FBN2: variants seen among roughly 807,000 people sequenced by gnomAD.
FBN2 encodes the protein fibrillin-2.
FBN2 carries 105 observed loss-of-function variants against 355.6 expected under a neutral mutation model. The ratio of observed to expected loss-of-function variants is 0.30; its 90% confidence interval spans 0.25 to 0.35. The LOEUF is 0.35. FBN2 is among the 10% of genes least tolerant of loss of function. The probability of loss-of-function intolerance (pLI) is 1.00; values close to 1 mark genes in which losing one functional copy is unlikely to be tolerated. For synonymous variants in FBN2, 1,350 were observed against 1,301.2 expected (o/e 1.04, Z -0.81); for missense variants, 3,280 against 3,758.7 (o/e 0.87, Z 3.33).
chr5:128,289,807 T>C (rs1749270210), intron 51 of FBN2, 75 bp downstream of exon 51: 2 of 870,854 alleles, frequency 2.3e-6, no homozygotes, highest in African/African-American at 1.7e-5. Flanking sequence ...AAAGTTAGCA[T>C]GAGTTATAAA....
intron 5 of FBN2, among the ~76,000 whole-genome samples, chr5:128,509,495 C>CTA (rs1351370346): frequency 6.6e-6 from 1 of 152,018 alleles, no homozygotes; most frequent in Non-Finnish European, 1.5e-5. Flanking sequence ...TAAGGAATAC[C>CTA]TTATAATAAC....
chr5:128,427,954 C>T (rs970973611), intron 7 of FBN2, among the ~76,000 whole-genome samples: 3 of 152,186 alleles, frequency 2.0e-5, no homozygotes, highest in Non-Finnish European at 4.4e-5. Context: ...ATGTTCTCCC[C>T]ACAGATGTTC....
chr5:128,294,428 G>T (rs1015147719), intron 48 of FBN2, among the ~76,000 whole-genome samples: 1 of 152,054 alleles, frequency 6.6e-6, no homozygotes, highest in South Asian at 2.1e-4. Context: ...CTTCCACAAC[G>T]GTTGAACTAG....
At chr5:128,536,057 C>T (rs6860901) in intron 2 of FBN2, among the ~76,000 whole-genome samples, 65,899 of 152,014 alleles carry the variant, frequency 0.43, 18,019 homozygotes, top group African/African-American at 0.79. Context: ...CATGTGGTCT[C>T]ATCTGGATTT....
rs1309744480 is a variant in FBN2 at position 128,449,837 on chromosome 5, GA to G, written c.827-3232del. Among the ~76,000 whole-genome samples the G allele has an allele frequency of 3.3e-5, 5 of 152,004 alleles. No homozygotes were observed. In the East Asian group the frequency reaches 7.7e-4, roughly 23 times the overall value. On this transcript the variant is annotated intron_variant, in intron 6 of 64. Transcript: ENST00000262464. ...TTGACATCTTAAAAAGTAAAGAGAT[GA>G]AAAAGATATATTAAGAATTCAATTA...
chr5:128,530,640 T>C lies in FBN2; in HGVS notation c.391A>G (p.Thr131Ala). ...DGFCSRPNMC[T>A]CSSGQISSTC... is the part of the protein sequence containing the mutation. ...GATGATATTTGCCCACTGGAACAAGTACACATGTTAGGACGGGAACAAAAT... is the reference window on the plus strand; with the variant it reads ...GATGATATTTGCCCACTGGAACAAGCACACATGTTAGGACGGGAACAAAAT... Residue 131 changes from threonine to alanine, a missense_variant, in exon 3 of 65, where the codon ACT (threonine) becomes GCT (alanine). Thr to Ala is a moderately conservative substitution (Grantham distance 58, BLOSUM62 0). Transcript: ENST00000262464. The C allele has an allele frequency of 1.2e-6, 2 of 1,613,408 alleles. No homozygotes were observed. Among genetic ancestry groups the C allele is most frequent in the Non-Finnish European group, 1.7e-6 (2 of 1,179,462 alleles).
chr5:128,530,459 C>T, intron 3 of FBN2, 136 bp downstream of exon 3: 1 of 691,474 alleles, frequency 1.4e-6, no homozygotes, highest in Non-Finnish European at 2.6e-6. Context: ...GGGGTATTAA[C>T]AGTATCTCAT....
At chr5:128,293,987 C>T (rs1749417307) in intron 48 of FBN2, among the ~76,000 whole-genome samples, 1 of 151,102 alleles carries the variant, frequency 6.6e-6, no homozygotes, top group Non-Finnish European at 1.5e-5. Flanking sequence ...TCCCTCCCTC[C>T]TCCCCCGACC....
intron 36 of FBN2, among the ~76,000 whole-genome samples, chr5:128,316,721 T>C (rs1304362902): frequency 1.3e-5 from 2 of 152,234 alleles, no homozygotes; most frequent in African/African-American, 2.4e-5. Context: ...GTGGCATTCA[T>C]ATAATTGTTT....
At chr5:128,378,108 C>A (rs1581251354) in intron 12 of FBN2, among the ~76,000 whole-genome samples, 1 of 139,750 alleles carries the variant, frequency 7.2e-6, no homozygotes, top group East Asian at 2.1e-4. Flanking sequence ...ATCCAGTAAA[C>A]CTAAGAAAGG....
intron 25 of FBN2, among the ~76,000 whole-genome samples, chr5:128,340,517 G>A (rs1227956210): frequency 6.6e-6 from 1 of 152,044 alleles, no homozygotes; most frequent in Admixed American, 6.5e-5. Flanking sequence ...CAGTATCTAG[G>A]ACTGGTGTTA....
intron 34 of FBN2, among the ~76,000 whole-genome samples, chr5:128,320,884 T>C (rs538224220): frequency 9.1e-4 from 139 of 152,334 alleles, no homozygotes; most frequent in African/African-American, 3.2e-3. Flanking sequence ...TTTTAGACAG[T>C]ATTAATGAAT....
At chr5:128,324,481 T>G (rs1484985636) in intron 34 of FBN2, among the ~76,000 whole-genome samples, 1 of 152,226 alleles carries the variant, frequency 6.6e-6, no homozygotes, top group Non-Finnish European at 1.5e-5. Context: ...TTCTGGCATG[T>G]TGTGACTTTG....
intron 32 of FBN2, among the ~76,000 whole-genome samples, chr5:128,331,293 G>C (rs144949221): frequency 1.3e-5 from 2 of 152,156 alleles, no homozygotes. Flanking sequence ...TTTTAGTTAA[G>C]GTCAGACCTG....
At chr5:128,525,812 A>C (rs952885459) in intron 4 of FBN2, among the ~76,000 whole-genome samples, 7 of 152,196 alleles carry the variant, frequency 4.6e-5, no homozygotes, top group Non-Finnish European at 7.4e-5. Context: ...AAGTAGTTGA[A>C]AAATCAAAGA....
At chr5:128,492,085 T>C (rs1428634826) in intron 5 of FBN2, among the ~76,000 whole-genome samples, 1 of 152,192 alleles carries the variant, frequency 6.6e-6, no homozygotes, top group African/African-American at 2.4e-5. Context: ...TTGTCAAAGT[T>C]AGAAAGGCAT....
At position 128,316,304 on chromosome 5, in the gene FBN2, A is replaced by T. The variant is rs371321641; in HGVS notation, c.4717+1845T>A. Reference sequence around the variant, plus strand: ...GTATCCATTGGACATAATGTTGAACATTGACAAAAATAACAGCTAGGATGA... The same window carrying T: ...GTATCCATTGGACATAATGTTGAACTTTGACAAAAATAACAGCTAGGATGA... On this transcript the variant is annotated intron_variant, in intron 36 of 64. Coordinates refer to ENST00000262464, the MANE Select transcript of FBN2 (RefSeq NM_001999.4). 5.9e-5 allele frequency among the ~76,000 whole-genome samples: 9 copies of T among 152,354 alleles called. No homozygotes were observed. In the East Asian group the frequency reaches 1.2e-3, roughly 20 times the overall value.
chr5:128,274,016 T>C, intron 60 of FBN2, 48 bp from the exon 61 acceptor site: 2 of 1,609,372 alleles, frequency 1.2e-6, no homozygotes, highest in Non-Finnish European at 8.5e-7. Context: ...AATCATAACA[T>C]GTCTTACGTT....
intron 3 of FBN2, among the ~76,000 whole-genome samples, chr5:128,530,245 T>C (rs1756666306): frequency 6.6e-6 from 1 of 152,178 alleles, no homozygotes; most frequent in African/African-American, 2.4e-5. Context: ...ATGTGGTCAG[T>C]ACTCAATAAA....
Sources: allele counts gnomAD v4.1 joint callset (sites outside exome capture counted in the v4.1 genomes callset), GRCh38; gene constraint gnomAD v4.1.1; transcripts MANE v1.5; gene names NCBI Gene and HGNC (gene_info 2026-07-23, HGNC 2026-07-21).